The following METTL25 variants were observed in gnomAD, a reference collection of about 807,000 sequenced individuals.
METTL25 encodes probable methyltransferase-like protein 25.
A neutral mutation model predicts 71.6 loss-of-function variants in METTL25; 64 were observed. The ratio of observed to expected loss-of-function variants is 0.89; its 90% confidence interval spans 0.73 to 1.10. The LOEUF (loss-of-function observed/expected upper bound fraction) is 1.10. Among genes scored for constraint, METTL25 ranks in the 50% least tolerant of loss-of-function variants. METTL25 has a pLI of 0.00. For synonymous variants in METTL25, 287 were observed against 250.3 expected, an observed-to-expected ratio of 1.15 and a Z score of -1.38; for missense variants, 807 against 707.0, an observed-to-expected ratio of 1.14 and a Z score of -1.60.
intron 1 of METTL25, among the ~76,000 whole-genome samples, chr12:82,367,883 T>C (rs1882739123): frequency 6.6e-6 from 1 of 152,232 alleles, no homozygotes; most frequent in Non-Finnish European, 1.5e-5. Context: ...ACACATAGTT[T>C]TGAATCCTGG....
At chr12:82,372,995 C>T (rs113737353) in intron 1 of METTL25, among the ~76,000 whole-genome samples, 5,013 of 152,280 alleles carry the variant, frequency 0.033, 93 homozygotes, top group Admixed American at 0.041. Flanking sequence ...CGAGGAAGGT[C>T]GGATTTAGTG....
chr12:82,402,809 G>A (rs147357358), intron 4 of METTL25, among the ~76,000 whole-genome samples, 174 bp from the exon 5 acceptor site: 1,858 of 152,230 alleles, frequency 0.012, 25 homozygotes, highest in African/African-American at 0.034. Context: ...TGAAGCAGGA[G>A]GATCATTTGA....
intron 9 of METTL25, among the ~76,000 whole-genome samples, chr12:82,470,623 C>A (rs73153571): frequency 6.6e-6 from 1 of 152,082 alleles, no homozygotes; most frequent in Non-Finnish European, 1.5e-5. Flanking sequence ...GCCTTTCTGC[C>A]TTAGAAAAGT....
At chr12:82,400,356 A>C (rs1886499385) in intron 4 of METTL25, among the ~76,000 whole-genome samples, 1 of 146,484 alleles carries the variant, frequency 6.8e-6, no homozygotes, top group East Asian at 2.0e-4. Flanking sequence ...AAAAGAAAAA[A>C]AGAAATGTAT....
intron 1 of METTL25, among the ~76,000 whole-genome samples, chr12:82,378,572 G>A (rs1565809417): frequency 6.6e-6 from 1 of 152,136 alleles, no homozygotes; most frequent in Non-Finnish European, 1.5e-5. Context: ...AGATGAAATT[G>A]AACTCAAATT....
At chr12:82,383,482 A>G (rs1453951218) in intron 1 of METTL25, among the ~76,000 whole-genome samples, 1 of 152,148 alleles carries the variant, frequency 6.6e-6, no homozygotes, top group African/African-American at 2.4e-5. Context: ...CAGCCTTCCT[A>G]CGTCTCAGTT....
At chr12:82,473,700 T>C (rs756211183) in intron 9 of METTL25, among the ~76,000 whole-genome samples, 20 of 152,288 alleles carry the variant, frequency 1.3e-4, no homozygotes, top group Middle Eastern at 3.4e-3. Flanking sequence ...GTCAGTTGTT[T>C]GGAGGCTTCA....
intron 5 of METTL25, among the ~76,000 whole-genome samples, chr12:82,420,903 T>C (rs571626061): frequency 6.6e-6 from 1 of 152,086 alleles, no homozygotes; most frequent in East Asian, 1.9e-4. Flanking sequence ...TCACCCAGGC[T>C]GGAGTGCAGT....
intron 1 of METTL25, among the ~76,000 whole-genome samples, chr12:82,365,440 C>T (rs1211642440): frequency 6.6e-6 from 1 of 152,156 alleles, no homozygotes; most frequent in African/African-American, 2.4e-5. Context: ...GATTAACCAT[C>T]TGCAGCAAAA....
intron 1 of METTL25, among the ~76,000 whole-genome samples, chr12:82,384,260 G>A (rs1884735003): frequency 6.6e-6 from 1 of 152,048 alleles, no homozygotes; most frequent in Non-Finnish European, 1.5e-5. Context: ...AATCCAAAGC[G>A]ATTATACAAG....
rs969509755 is a variant in METTL25 at position 82,447,161 on chromosome 12, A to T, written c.1478+8370A>T. On this transcript the variant is annotated intron_variant, in intron 8 of 11. Coordinates refer to ENST00000248306, the MANE Select transcript of METTL25 (RefSeq NM_032230.3). ...GAGACTGAAAAAAAACCCACGGAAG[A>T]TCAATGAAATGAAAACAACTTAGCA... 2.6e-5 allele frequency among the ~76,000 whole-genome samples: 4 copies of T among 152,186 alleles called. No individual in the cohort carries two copies. The East Asian group carries it at 5.8e-4, about 22-fold the overall frequency.
chr12:82,455,146 C>A (rs1342656756), intron 8 of METTL25, among the ~76,000 whole-genome samples: 1 of 150,226 alleles, frequency 6.7e-6, no homozygotes, highest in African/African-American at 2.5e-5. Flanking sequence ...AACTTAAGTG[C>A]TTGTCCTTTT....
intron 1 of METTL25, among the ~76,000 whole-genome samples, chr12:82,378,078 A>G (rs1442107440): frequency 1.3e-5 from 2 of 152,024 alleles, no homozygotes; most frequent in Non-Finnish European, 2.9e-5. Flanking sequence ...TTATTTAACT[A>G]ATTTTTATCA....
chr12:82,399,472 C>A, intron 4 of METTL25, 78 bp downstream of exon 4: 4 of 1,107,604 alleles, frequency 3.6e-6, no homozygotes, highest in Non-Finnish European at 5.2e-6. Flanking sequence ...ACTTAACATA[C>A]ATATCTTACT....
At chr12:82,422,972 C>T (rs1284403937) in intron 5 of METTL25, among the ~76,000 whole-genome samples, 4 of 152,130 alleles carry the variant, frequency 2.6e-5, no homozygotes, top group Admixed American at 6.6e-5. Flanking sequence ...CCATACTGCC[C>T]AAGGTAATTT....
At chr12:82,391,724 CTTTTTT>C (rs58065185) in intron 3 of METTL25, among the ~76,000 whole-genome samples, 11 of 125,532 alleles carry the variant, frequency 8.8e-5, no homozygotes, top group African/African-American at 2.9e-4. Flanking sequence ...TACTGATTTC[CTTTTTT>C]TTTTTTTTTT....
intron 6 of METTL25, 67 bp from the exon 7 acceptor site, chr12:82,434,628 A>T: frequency 8.0e-7 from 1 of 1,247,148 alleles, no homozygotes. Context: ...AAACTCTTAT[A>T]CAGTGTGTTT....
intron 9 of METTL25, among the ~76,000 whole-genome samples, chr12:82,473,485 C>T (rs911911441): frequency 2.0e-5 from 3 of 152,058 alleles, no homozygotes; most frequent in Admixed American, 1.3e-4. Flanking sequence ...GGATGGTCCC[C>T]AGAGCTATTT....
intron 6 of METTL25, among the ~76,000 whole-genome samples, chr12:82,432,689 G>T (rs892997747): frequency 1.3e-5 from 2 of 151,424 alleles, no homozygotes; most frequent in African/African-American, 2.4e-5. Context: ...GCTGCCCATG[G>T]AATGCCCTTC....
Sources: gnomAD v4.1 joint callset for allele counts (sites outside exome capture counted in the v4.1 genomes callset) on GRCh38, gnomAD v4.1.1 for gene constraint, MANE v1.5 for transcripts, NCBI Gene and HGNC (gene_info 2026-07-23, HGNC 2026-07-21) for gene names.